The following DOCK10 variants were observed in gnomAD, a reference collection of about 807,000 sequenced individuals.
DOCK10 encodes dedicator of cytokinesis 10, also known as dedicator of cytokinesis protein 10.
Under a neutral mutation model 280.1 loss-of-function variants are expected in DOCK10, and 145 were observed. The observed-to-expected ratio is 0.52, with a 90% confidence interval of 0.45 to 0.59. The LOEUF (loss-of-function observed/expected upper bound fraction) is 0.59. DOCK10 is among the 20% of genes least tolerant of loss of function. The probability of loss-of-function intolerance (pLI) is 0.00; values close to 1 mark genes in which losing one functional copy is unlikely to be tolerated. For synonymous variants in DOCK10, 915 were observed against 942.2 expected (o/e 0.97, Z 0.53); for missense variants, 2,368 against 2,651.7 (o/e 0.89, Z 2.35).
intron 40 of DOCK10, among the ~76,000 whole-genome samples, chr2:224,801,510 G>A (rs989856823): frequency 2.6e-5 from 4 of 151,980 alleles, no homozygotes; most frequent in Non-Finnish European, 4.4e-5. Context: ...CTTACAAAAC[G>A]CTGGCCTCCA....
rs1179801379 is a variant in DOCK10, at chr2:224,900,171, T to C, written c.334-3794A>G. On this transcript the variant is annotated intron_variant, in intron 3 of 55. Transcript: ENST00000258390. ...CATGTACACTCATGCATGTTATGCA[T>C]GATGTTCACAATATGCCACAGGTGT... Among the ~76,000 whole-genome samples, 3 of 152,148 alleles carry C rather than the reference T, an allele frequency of 2.0e-5. No individual in the cohort carries two copies. The East Asian group carries it at 5.8e-4, about 29-fold the overall frequency.
At chr2:224,892,728 C>A (rs903250904) in intron 4 of DOCK10, among the ~76,000 whole-genome samples, 40 of 152,190 alleles carry the variant, frequency 2.6e-4, no homozygotes, top group African/African-American at 9.2e-4. Flanking sequence ...GGGAGGGAGG[C>A]CTGTCCAATG....
At chr2:224,830,223 C>A (rs181384796) in intron 27 of DOCK10, among the ~76,000 whole-genome samples, 17 of 152,290 alleles carry the variant, frequency 1.1e-4, no homozygotes, top group Admixed American at 1.0e-3. Flanking sequence ...GAGACTCTTC[C>A]TAGCCAATCC....
Position 224,924,135 on chromosome 2 carries a change from T to A in DOCK10, c.244-7351A>T, listed in dbSNP as rs536168301. Reference sequence around the variant, plus strand: ...TTTCATGATTCCTTTGTATCCTTCCTGTGATCACGTGCACCACCTCTATCC... The same window carrying A: ...TTTCATGATTCCTTTGTATCCTTCCAGTGATCACGTGCACCACCTCTATCC... On this transcript the variant is annotated intron_variant, in intron 2 of 55. Coordinates refer to ENST00000258390, the MANE Select transcript of DOCK10 (RefSeq NM_014689.3). 6.6e-5 allele frequency among the ~76,000 whole-genome samples: 10 copies of A among 152,320 alleles called. No individual in the cohort carries two copies. The East Asian group carries it at 1.7e-3, about 26-fold the overall frequency.
rs1705571018 is a variant in DOCK10 at position 224,978,584 on chromosome 2, A to G, written c.124-46916T>C. ...GTGATCAGCAAGTAAATAAACAATT[A>G]TACATTCAAGTAAATAGGCAGAGAT... On this transcript the variant is annotated intron_variant, in intron 1 of 55. Transcript: ENST00000258390. 3.3e-5 allele frequency among the ~76,000 whole-genome samples: 5 copies of G among 152,246 alleles called. No individual in the cohort carries two copies. In the South Asian group the frequency reaches 1.0e-3, roughly 31 times the overall value.
chr2:224,952,881 C>G (rs966593226), intron 1 of DOCK10, among the ~76,000 whole-genome samples: 1 of 152,136 alleles, frequency 6.6e-6, no homozygotes, highest in African/African-American at 2.4e-5. Flanking sequence ...CGTGAGCCAC[C>G]GCGCCCGGCC....
intron 41 of DOCK10, among the ~76,000 whole-genome samples, chr2:224,799,425 G>A (rs548150248): frequency 5.3e-5 from 8 of 152,304 alleles, no homozygotes; most frequent in Admixed American, 4.6e-4. Context: ...GTATACTTGA[G>A]TTGTTTGTAG....
Position 225,042,383 on chromosome 2 carries a change from A to T in DOCK10, c.-9T>A. On this transcript the variant is annotated 5_prime_UTR_variant, in exon 1 of 56. Transcript: ENST00000258390. This position sits in a 1 kb window ranked among gnomAD's most constrained non-coding sequence, Gnocchi z 5.1. ...GTCCGCTCACCGGCCATCGCCGGTC[A>T]CGCCAATCGCGCCGCGGGCCCGGGG... 8 of 1,205,488 alleles carry T rather than the reference A, an allele frequency of 6.6e-6. No individual in the cohort carries two copies. The highest frequency in any genetic ancestry group is 8.2e-6 in the Non-Finnish European group (8 of 971,550). The allele number at this position is 1,205,488 out of a possible 1,614,324, so 74.7% of individuals were successfully genotyped here.
intron 18 of DOCK10, among the ~76,000 whole-genome samples, chr2:224,851,681 TAAGATTGGCAGCAGGCCC>T (rs1428881576): frequency 1.3e-5 from 2 of 152,066 alleles, no homozygotes; most frequent in Non-Finnish European, 2.9e-5. Flanking sequence ...CCGAAGCTGG[TAAGATTGGCAGCAGGCCC>T]ACTACAAATA....
At chr2:224,780,166 C>T (rs1048793438) in intron 50 of DOCK10, among the ~76,000 whole-genome samples, 1 of 152,214 alleles carries the variant, frequency 6.6e-6, no homozygotes, top group Non-Finnish European at 1.5e-5. Context: ...AATGCCTTGA[C>T]CCCAAACTGC....
At chr2:225,019,443 A>ATTTT in intron 1 of DOCK10, among the ~76,000 whole-genome samples, 1 of 75,802 alleles carries the variant, frequency 1.3e-5, no homozygotes. Flanking sequence ...GTGTGGTTTA[A>ATTTT]TCTTTTTTTT....
chr2:225,034,709 T>C (rs1258088844), intron 1 of DOCK10, among the ~76,000 whole-genome samples: 3 of 152,160 alleles, frequency 2.0e-5, no homozygotes, highest in African/African-American at 7.2e-5. Flanking sequence ...CGCTTTTCAA[T>C]AGCACTTATA....
At chr2:224,975,165 A>C (rs1045203221) in intron 1 of DOCK10, among the ~76,000 whole-genome samples, 16 of 152,148 alleles carry the variant, frequency 1.1e-4, no homozygotes, top group African/African-American at 3.4e-4. Context: ...ATTGGAGTTT[A>C]GTAAGCCTTT....
intron 45 of DOCK10, 140 bp downstream of exon 45, chr2:224,794,739 T>A (rs2125127535): frequency 1.4e-6 from 1 of 738,070 alleles, no homozygotes. Context: ...AAATGTATTG[T>A]ATATGATATA....
chr2:224,894,457 T>C (rs1398738185), intron 4 of DOCK10, among the ~76,000 whole-genome samples: 1 of 152,248 alleles, frequency 6.6e-6, no homozygotes, highest in Non-Finnish European at 1.5e-5. Context: ...CAACTTGAGA[T>C]GCAGTCTCCC....
At chr2:224,995,198 T>C (rs766301596) in intron 1 of DOCK10, among the ~76,000 whole-genome samples, 27 of 152,200 alleles carry the variant, frequency 1.8e-4, no homozygotes, top group Non-Finnish European at 3.8e-4. Context: ...TTACTGGAGT[T>C]TGAAGTTTAT....
At chr2:224,825,714 AAT>A (rs1402035265) in intron 27 of DOCK10, among the ~76,000 whole-genome samples, 2 of 152,184 alleles carry the variant, frequency 1.3e-5, no homozygotes, top group African/African-American at 4.8e-5. Context: ...CTGCCTAATA[AAT>A]ATATGAGTAC....
chr2:225,025,270 A>G (rs1365075281), intron 1 of DOCK10, among the ~76,000 whole-genome samples: 2 of 152,180 alleles, frequency 1.3e-5, no homozygotes, highest in African/African-American at 4.8e-5. Context: ...GCTTAAAGGA[A>G]GATGTTGCAT....
At chr2:224,922,850 G>A (rs899396477) in intron 2 of DOCK10, among the ~76,000 whole-genome samples, 1 of 152,174 alleles carries the variant, frequency 6.6e-6, no homozygotes, top group African/African-American at 2.4e-5. Context: ...CAAAATGATG[G>A]TGTTTAAAGT....
Sources: allele counts gnomAD v4.1 joint callset (sites outside exome capture counted in the v4.1 genomes callset), GRCh38; gene constraint gnomAD v4.1.1; non-coding constraint Gnocchi (gnomAD v3.1); transcripts MANE v1.5; gene names NCBI Gene and HGNC (gene_info 2026-07-23, HGNC 2026-07-21).